PCDHGC4: variants seen among roughly 807,000 people sequenced by gnomAD.
The protein encoded by PCDHGC4 is protocadherin gamma-C4.
PCDHGC4 carries 15 observed loss-of-function variants against 59.7 expected under a neutral mutation model. The observed-to-expected ratio is 0.25, with a 90% CI of 0.17 to 0.39. The LOEUF (loss-of-function observed/expected upper bound fraction) is 0.39. Ranked by LOEUF, PCDHGC4 falls within the 10% of genes least tolerant of loss-of-function variation. The probability of loss-of-function intolerance (pLI) is 1.00; values close to 1 mark genes in which losing one functional copy is unlikely to be tolerated. For missense variants in PCDHGC4, 1,016 were observed against 1,189.5 expected, an observed-to-expected ratio of 0.85 and a Z score of 2.15; for synonymous variants, 434 against 481.4, an observed-to-expected ratio of 0.90 and a Z score of 1.29.
Position 141,490,975 on chromosome 5 carries a change from C to T in PCDHGC4, c.2442+3360C>T. 1 of 1,614,056 alleles carries T rather than the reference C, an allele frequency of 6.2e-7. No individual in the cohort carries two copies. Among genetic ancestry groups the T allele is most frequent in the African/African-American group, 1.3e-5 (1 of 75,070 alleles). ...CTGGGAACACTCAGCCCCCCAGCGT[C>T]TCCCTCGCTCTGCTCCTCCTGGCTC... On this transcript the variant is annotated intron_variant, in intron 1 of 3. Coordinates refer to ENST00000306593, the MANE Select transcript of PCDHGC4 (RefSeq NM_018928.3). This position sits in a 1 kb window ranked among gnomAD's most constrained non-coding sequence, Gnocchi z 5.4.
intron 2 of PCDHGC4, among the ~76,000 whole-genome samples, chr5:141,502,783 G>A (rs2099816035): frequency 6.6e-6 from 1 of 151,652 alleles, no homozygotes; most frequent in African/African-American, 2.4e-5. Context: ...AAAATTACCT[G>A]GATGATTTCT....
At chr5:141,488,565 C>T (rs1308485284) in intron 1 of PCDHGC4, among the ~76,000 whole-genome samples, 1 of 152,174 alleles carries the variant, frequency 6.6e-6, no homozygotes, top group Non-Finnish European at 1.5e-5. Flanking sequence ...GAGATTTCCG[C>T]AAAGCATTGC....
chr5:141,500,345 A>G (rs1459262760), intron 2 of PCDHGC4, among the ~76,000 whole-genome samples: 3 of 151,916 alleles, frequency 2.0e-5, no homozygotes, highest in Non-Finnish European at 4.4e-5. Context: ...AATAGCTGGG[A>G]CTACAGGCGC....
In PCDHGC4 at chr5:141,486,581, C is replaced by T; in HGVS notation, c.1408C>T (p.Pro470Ser). 1 of 1,613,764 alleles carries T rather than the reference C, an allele frequency of 6.2e-7. No individual in the cohort carries two copies. The highest frequency in any genetic ancestry group is 1.1e-5 in the South Asian group (1 of 91,082). Residue 470 changes from proline to serine, a missense_variant, in exon 1 of 4, where the codon CCA becomes TCA. By Grantham distance (74) the Pro-to-Ser change is moderately conservative. Coordinates refer to ENST00000306593, the MANE Select transcript of PCDHGC4 (RefSeq NM_018928.3). This position sits in a 1 kb window ranked among gnomAD's most constrained non-coding sequence, Gnocchi z 5.0. ...GGTGTTTGTTCCTGAGAACAATCGC[C>T]CAGGGGACCTGCTTTGCTCCCTTGC... is the stretch of plus-strand genomic sequence containing the variant. The part of the protein sequence containing the change: ...HEVFVPENNR[P>S]GDLLCSLAAS...
Position 141,502,395 on chromosome 5 carries a change from G to A in PCDHGC4, c.2502-2998G>A, listed in dbSNP as rs115188718. The stretch of plus-strand genomic sequence containing the variant: ...GTCCAGGCCAGTTGTACTTTAAAAT[G>A]TCCCCGAACCTGGATTTGCTGGCTA... On this transcript the variant is annotated intron_variant, in intron 2 of 3. Transcript: ENST00000306593. Among the ~76,000 whole-genome samples, 610 of 151,894 alleles carry A rather than the reference G, an allele frequency of 4.0e-3. 3 individuals carry two copies. Among genetic ancestry groups the A allele is most frequent in the African/African-American group, 0.013 (553 of 41,410 alleles).
chr5:141,504,949 G>A (rs1234166109), intron 2 of PCDHGC4, among the ~76,000 whole-genome samples: 5 of 152,098 alleles, frequency 3.3e-5, no homozygotes, highest in Non-Finnish European at 1.5e-5. Context: ...AATGCACTAT[G>A]TTCAATGCAT....
In PCDHGC4 at chr5:141,485,340, C is replaced by T. The variant is rs139641513; in HGVS notation, c.167C>T (p.Thr56Met). ...GTCGCTCAAGATTTCCTGCTGGATA[C>T]GGACAGTCTGTCAGCTCGCAGGCTG... is the stretch of plus-strand genomic sequence containing the variant. The part of the protein sequence containing the change: ...GNVAQDFLLD[T>M]DSLSARRLQV... Residue 56 changes from threonine (T) to methionine (M), a missense_variant, in exon 1 of 4, where the codon ACG becomes ATG. Coordinates refer to ENST00000306593, the MANE Select transcript of PCDHGC4 (RefSeq NM_018928.3). This position sits in a 1 kb window ranked among gnomAD's most constrained non-coding sequence, Gnocchi z 5.7. 1.2e-6 allele frequency: 2 copies of T among 1,613,958 alleles called. No individual in the cohort carries two copies. Among genetic ancestry groups the T allele is most frequent in the East Asian group, 2.2e-5 (1 of 44,884 alleles).
intron 3 of PCDHGC4, among the ~76,000 whole-genome samples, chr5:141,508,841 C>A (rs969875150): frequency 6.6e-6 from 1 of 152,140 alleles, no homozygotes; most frequent in East Asian, 1.9e-4. Context: ...TCCCCTACCC[C>A]TTCCATTCCC....
In PCDHGC4 at chr5:141,486,487, C is replaced by T; in HGVS notation, c.1314C>T (p.His438=). ...CTGGGAACCCTCCTCTCAGTACCCA[C>T]AGAACTATTTTCCTCAATATTTCAG... ...SDAGNPPLST[H]RTIFLNISDV... The change falls in exon 1 of 4, where the codon CAC becomes CAT. Residue 438 remains histidine, a synonymous_variant. Coordinates refer to ENST00000306593, the MANE Select transcript of PCDHGC4 (RefSeq NM_018928.3). This position sits in a 1 kb window ranked among gnomAD's most constrained non-coding sequence, Gnocchi z 5.0. 1 of 1,614,086 alleles carries T rather than the reference C, an allele frequency of 6.2e-7. No individual in the cohort carries two copies. Among genetic ancestry groups the T allele is most frequent in the Non-Finnish European group, 8.5e-7 (1 of 1,179,918 alleles).
In PCDHGC4 at chr5:141,485,269, C is replaced by T. The variant is rs760197007; in HGVS notation, c.96C>T (p.Arg32=). The T allele has an allele frequency of 6.2e-7, 1 of 1,614,090 alleles. No homozygotes were observed. Among genetic ancestry groups the T allele is most frequent in the Admixed American group, 1.7e-5 (1 of 60,028 alleles). Residue 32 remains arginine (R), a synonymous_variant, in exon 1 of 4, where the codon CGC becomes CGT. Transcript: ENST00000306593. The surrounding 1 kb of genome is among the most constrained non-coding windows in gnomAD (Gnocchi z 5.7). ...YHLGYVCGQI[R]YPVPEESQEG... is the part of the protein sequence containing the mutation. ...TGGGTTACGTTTGTGGGCAGATCCG[C>T]TACCCGGTCCCAGAGGAGTCACAGG... is the stretch of plus-strand genomic sequence containing the variant.
chr5:141,495,726 C>T (rs2099763293), intron 2 of PCDHGC4, among the ~76,000 whole-genome samples: 1 of 152,070 alleles, frequency 6.6e-6, no homozygotes, highest in Non-Finnish European at 1.5e-5. Flanking sequence ...ACACGGGACC[C>T]TTAGTCTCTT....
Position 141,505,475 on chromosome 5 carries a change from G to A in PCDHGC4, c.2584G>A (p.Ala862Thr), listed in dbSNP as rs769108315. The A allele has an allele frequency of 2.2e-5, 35 of 1,614,098 alleles. No homozygotes were observed. Among genetic ancestry groups the A allele is most frequent in the South Asian group, 5.5e-5 (5 of 91,090 alleles). ...GCTGCAAGCCATGATCTTGGCGTCC[G>A]CCAGTGGTAAGTGGTGTCAGTGTGT... ...EMLQAMILAS[A>T]SEAADGSSTL... The change falls in exon 3 of 4, where the codon GCC becomes ACC. Residue 862 changes from alanine to threonine, a missense_variant. Physicochemically the swap from Ala to Thr is moderately conservative, Grantham distance 58. Transcript: ENST00000306593.
Position 141,505,463 on chromosome 5 carries a change from A to G in PCDHGC4, c.2572A>G (p.Ile858Val). 1 of 1,614,184 alleles carries G rather than the reference A, an allele frequency of 6.2e-7. No homozygotes were observed. Among genetic ancestry groups the G allele is most frequent in the East Asian group, 2.2e-5 (1 of 44,876 alleles). Residue 858 changes from isoleucine to valine, a missense_variant, in exon 3 of 4, where the codon ATC (isoleucine) becomes GTC (valine). Ile to Val is a conservative substitution (Grantham distance 29). Transcript: ENST00000306593. Reference protein sequence around the residue: ...QFDTEMLQAMILASASEAADG... With the variant: ...QFDTEMLQAMVLASASEAADG... ...TGACACAGAGATGCTGCAAGCCATG[A>G]TCTTGGCGTCCGCCAGTGGTAAGTG...
Position 141,486,177 on chromosome 5 carries a change from G to A in PCDHGC4, c.1004G>A (p.Ser335Asn). The A allele has an allele frequency of 6.2e-7, 1 of 1,614,222 alleles. No individual in the cohort carries two copies. Among genetic ancestry groups the A allele is most frequent in the Non-Finnish European group, 8.5e-7 (1 of 1,180,042 alleles). ...TCTCCAGCCATGGAGCAACATTGCA[G>A]CCTTCGAGTGGATCTGCTGGACGTA... ...GGSPAMEQHC[S>N]LRVDLLDVND... is the part of the protein sequence containing the mutation. Residue 335 changes from serine to asparagine, a missense_variant, in exon 1 of 4, where the codon AGC becomes AAC. Ser to Asn is a conservative substitution (Grantham distance 46). Coordinates refer to ENST00000306593, the MANE Select transcript of PCDHGC4 (RefSeq NM_018928.3). The surrounding 1 kb of genome is among the most constrained non-coding windows in gnomAD (Gnocchi z 5.0).
rs888556794 is a variant in PCDHGC4 at position 141,493,414 on chromosome 5, A to T, written c.2443-1393A>T. Among the ~76,000 whole-genome samples, 2 of 152,058 alleles carry T rather than the reference A, an allele frequency of 1.3e-5. No individual in the cohort carries two copies. Among genetic ancestry groups the T allele is most frequent in the Admixed American group, 6.6e-5 (1 of 15,248 alleles). ...GGAGAGGGGAGTTGCCTCTGCTGGG[A>T]TTTTGCTTCTGCTGGGATGGGGCAA... On this transcript the variant is annotated intron_variant, in intron 1 of 3. Coordinates refer to ENST00000306593, the MANE Select transcript of PCDHGC4 (RefSeq NM_018928.3). The surrounding 1 kb of genome is among the most constrained non-coding windows in gnomAD (Gnocchi z 4.3).
intron 1 of PCDHGC4, chr5:141,492,005 C>A (rs1444993907): frequency 3.1e-6 from 2 of 642,268 alleles, no homozygotes; most frequent in African/African-American, 3.8e-5. Flanking sequence ...GGGCGATTTC[C>A]GCGGGTGTCG....
rs1358516648 is a variant in PCDHGC4, at chr5:141,489,199, A to C, written c.2442+1584A>C. The C allele has an allele frequency of 1.4e-6, 2 of 1,395,234 alleles. No individual in the cohort carries two copies. The highest frequency in any genetic ancestry group is 2.8e-5 in the South Asian group (2 of 71,520). The allele number at this position is 1,395,234 out of a possible 1,614,324, so 86.4% of individuals were successfully genotyped here. ...CAAGCCCTGGGTCTACCTTGGAGAC[A>C]GGACAGCACAGACTTACTCTCCACA... On this transcript the variant is annotated intron_variant, in intron 1 of 3. Transcript: ENST00000306593. The surrounding 1 kb of genome is among the most constrained non-coding windows in gnomAD (Gnocchi z 4.5).
In PCDHGC4 at chr5:141,487,938, G is replaced by A; in HGVS notation, c.2442+323G>A. ...GAGGCTACAGTGCACAGGGTACAGT[G>A]CACCAGGCAGTCACTTGGACAAAGG... is the stretch of plus-strand genomic sequence containing the variant. On this transcript the variant is annotated intron_variant, in intron 1 of 3. Coordinates refer to ENST00000306593, the MANE Select transcript of PCDHGC4 (RefSeq NM_018928.3). This position sits in a 1 kb window ranked among gnomAD's most constrained non-coding sequence, Gnocchi z 5.0. 1.7e-6 allele frequency: 1 copy of A among 600,308 alleles called. No homozygotes were observed. The highest frequency in any genetic ancestry group is 2.9e-6 in the Non-Finnish European group (1 of 342,970). 37.2% of individuals were successfully genotyped at this position (600,308 alleles called of 1,614,324 possible).
Position 141,491,992 on chromosome 5 carries a change from T to G in PCDHGC4, c.2443-2815T>G. ...GGCCTCCTTCGAGCTTCCGGTGAAT[T>G]TCGGGCGATTTCCGCGGGTGTCGGG... On this transcript the variant is annotated intron_variant, in intron 1 of 3. Transcript: ENST00000306593. This position sits in a 1 kb window ranked among gnomAD's most constrained non-coding sequence, Gnocchi z 6.9. The G allele has an allele frequency of 1.5e-6, 1 of 684,982 alleles. No homozygotes were observed. The highest frequency in any genetic ancestry group is 2.3e-6 in the Non-Finnish European group (1 of 443,370). The allele number at this position is 684,982 out of a possible 1,614,324, so 42.4% of individuals were successfully genotyped here.
Sources: gnomAD v4.1 joint callset for allele counts (sites outside exome capture counted in the v4.1 genomes callset) on GRCh38, gnomAD v4.1.1 for gene constraint, Gnocchi (gnomAD v3.1) non-coding constraint, MANE v1.5 for transcripts, NCBI Gene and HGNC (gene_info 2026-07-23, HGNC 2026-07-21) for gene names.